GNAQ: variants seen among roughly 807,000 people sequenced by gnomAD.
The protein encoded by GNAQ is guanine nucleotide-binding protein G(q) subunit alpha.
A neutral mutation model predicts 43.9 loss-of-function variants in GNAQ; 8 were observed. The ratio of observed to expected loss-of-function variants is 0.18; its 90% CI spans 0.11 to 0.33. The LOEUF (loss-of-function observed/expected upper bound fraction) is 0.33, where lower values mean the gene tolerates loss of function less well. Ranked by LOEUF, GNAQ falls within the 10% of genes least tolerant of loss-of-function variation. GNAQ has a pLI of 1.00. For synonymous variants in GNAQ, 155 were observed against 170.7 expected (o/e 0.91, Z 0.71); for missense variants, 158 against 450.8 (o/e 0.35, Z 5.88).
intron 5 of GNAQ, among the ~76,000 whole-genome samples, chr9:77,756,872 C>G (rs1382817776): frequency 3.9e-5 from 6 of 152,166 alleles, no homozygotes; most frequent in Admixed American, 3.3e-4. Context: ...TGCTATGATT[C>G]ATTGTTATTC....
chr9:77,765,637 G>C (rs1826123674), intron 5 of GNAQ, among the ~76,000 whole-genome samples: 1 of 152,198 alleles, frequency 6.6e-6, no homozygotes, highest in African/African-American at 2.4e-5. Flanking sequence ...AGAGAAACTG[G>C]AACTCTTGTA....
At chr9:77,739,528 G>A (rs137968076) in intron 5 of GNAQ, among the ~76,000 whole-genome samples, 87 of 152,258 alleles carry the variant, frequency 5.7e-4, no homozygotes, top group African/African-American at 2.0e-3. Context: ...TTTGAAATAA[G>A]ATTAAAACAG....
Position 77,875,806 on chromosome 9 carries a change from T to C in GNAQ, c.321+46355A>G, listed in dbSNP as rs540965769. Among the ~76,000 whole-genome samples the C allele has an allele frequency of 1.4e-4, 21 of 152,244 alleles. No homozygotes were observed. The South Asian group carries it at 3.9e-3, about 29-fold the overall frequency. ...ATAAGAATCTTAACCCAACCACCCA[T>C]TGCCCACACCATGATCAGACTAACT... On this transcript the variant is annotated intron_variant, in intron 2 of 6. Coordinates refer to ENST00000286548, the MANE Select transcript of GNAQ (RefSeq NM_002072.5).
intron 2 of GNAQ, among the ~76,000 whole-genome samples, chr9:77,892,948 G>C (rs1828427854): frequency 2.6e-5 from 4 of 152,194 alleles, no homozygotes; most frequent in Admixed American, 2.6e-4. Context: ...TTTGAATGTA[G>C]TAGGTAAGAT....
intron 3 of GNAQ, among the ~76,000 whole-genome samples, chr9:77,799,943 G>C (rs1411937497): frequency 6.6e-6 from 1 of 152,184 alleles, no homozygotes; most frequent in Non-Finnish European, 1.5e-5. Flanking sequence ...GTGAAACACA[G>C]AAAGGAAACG....
At chr9:77,759,096 G>C (rs1029360047) in intron 5 of GNAQ, among the ~76,000 whole-genome samples, 1 of 152,126 alleles carries the variant, frequency 6.6e-6, no homozygotes, top group African/African-American at 2.4e-5. Context: ...TTTCTTAGCA[G>C]AATTTCTGTA....
chr9:77,931,347 C>T (rs1829146538), intron 1 of GNAQ, among the ~76,000 whole-genome samples: 1 of 152,032 alleles, frequency 6.6e-6, no homozygotes, highest in Admixed American at 6.5e-5. Flanking sequence ...AATCCCAGCA[C>T]TTTGGGAGGC....
intron 3 of GNAQ, among the ~76,000 whole-genome samples, chr9:77,814,749 G>C (rs1269582055): frequency 6.6e-6 from 1 of 152,102 alleles, no homozygotes; most frequent in Non-Finnish European, 1.5e-5. Flanking sequence ...ACTGGCATAA[G>C]GTTACTGATT....
chr9:77,879,217 CTGTCACCCAGAAAT>C (rs1166616570), intron 2 of GNAQ, among the ~76,000 whole-genome samples: 11 of 152,228 alleles, frequency 7.2e-5, no homozygotes, highest in Middle Eastern at 3.4e-3. Flanking sequence ...AAAAAATTGT[CTGTCACCCAGAAAT>C]TGTTCTTACT....
At chr9:77,882,080 G>A (rs1828217943) in intron 2 of GNAQ, among the ~76,000 whole-genome samples, 1 of 152,162 alleles carries the variant, frequency 6.6e-6, no homozygotes. Context: ...GGAAGTTGCA[G>A]TGAGCTGAGA....
chr9:78,030,409 G>T (rs969258186), intron 1 of GNAQ: 2 of 416,786 alleles, frequency 4.8e-6, no homozygotes, highest in African/African-American at 2.0e-5. Context: ...TCGATGGTCT[G>T]GTGGCTAGAG....
intron 2 of GNAQ, among the ~76,000 whole-genome samples, chr9:77,824,110 T>C (rs897979159): frequency 2.6e-5 from 4 of 152,226 alleles, no homozygotes; most frequent in African/African-American, 9.6e-5. Flanking sequence ...GTCCCTAACA[T>C]CCTTCAGAGA....
intron 5 of GNAQ, among the ~76,000 whole-genome samples, chr9:77,759,302 T>G (rs1401881025): frequency 6.6e-6 from 1 of 152,230 alleles, no homozygotes; most frequent in East Asian, 1.9e-4. Context: ...CTATTATTTT[T>G]TGGTCTTTCA....
intron 2 of GNAQ, among the ~76,000 whole-genome samples, chr9:77,917,159 C>T (rs575537388): frequency 5.9e-5 from 9 of 152,146 alleles, no homozygotes; most frequent in African/African-American, 1.4e-4. Flanking sequence ...TAACAGGCAA[C>T]GCAGGAAGAA....
chr9:77,925,071 T>C (rs988262990), intron 1 of GNAQ, among the ~76,000 whole-genome samples: 1 of 152,104 alleles, frequency 6.6e-6, no homozygotes, highest in Non-Finnish European at 1.5e-5. Context: ...TCCATACTGC[T>C]GCTCTCTCTG....
chr9:77,795,686 G>A (rs904958708), intron 4 of GNAQ, among the ~76,000 whole-genome samples: 1 of 152,158 alleles, frequency 6.6e-6, no homozygotes, highest in Non-Finnish European at 1.5e-5. Context: ...GGACATCAAA[G>A]CCAGAATTCT....
chr9:77,744,441 G>C (rs1825700203), intron 5 of GNAQ, among the ~76,000 whole-genome samples: 1 of 151,964 alleles, frequency 6.6e-6, no homozygotes, highest in Non-Finnish European at 1.5e-5. Flanking sequence ...TTACAAATAC[G>C]CAATGTGACT....
At chr9:77,753,630 G>A (rs953831478) in intron 5 of GNAQ, among the ~76,000 whole-genome samples, 6 of 151,462 alleles carry the variant, frequency 4.0e-5, no homozygotes, top group African/African-American at 1.5e-4. Context: ...GAGGGTGACA[G>A]AAAGAGGAAG....
At chr9:77,990,331 C>T (rs1237368094) in intron 1 of GNAQ, among the ~76,000 whole-genome samples, 2 of 152,192 alleles carry the variant, frequency 1.3e-5, no homozygotes, top group Non-Finnish European at 2.9e-5. Flanking sequence ...AATCTTCCTG[C>T]CTTAGCCTCC....
Sources: allele counts gnomAD v4.1 joint callset (sites outside exome capture counted in the v4.1 genomes callset), GRCh38; gene constraint gnomAD v4.1.1; transcripts MANE v1.5; gene names NCBI Gene and HGNC (gene_info 2026-07-23, HGNC 2026-07-21).